The following FSTL5 variants were observed in gnomAD, a reference collection of about 807,000 sequenced individuals.
FSTL5 encodes follistatin-related protein 5.
Under a neutral mutation model 89.1 loss-of-function variants are expected in FSTL5, and 62 were observed. The observed-to-expected ratio is 0.70, with a 90% confidence interval of 0.57 to 0.86. The LOEUF is 0.86. Among genes scored for constraint, FSTL5 ranks in the 40% least tolerant of loss-of-function variants. The pLI is 0.00. For missense variants in FSTL5, 1,057 were observed against 1,001.6 expected, an observed-to-expected ratio of 1.06 and a Z score of -0.75; for synonymous variants, 383 against 346.2, an observed-to-expected ratio of 1.11 and a Z score of -1.18.
At chr4:161,609,845 A>C (rs534193904) in intron 7 of FSTL5, among the ~76,000 whole-genome samples, 86 of 152,184 alleles carry the variant, frequency 5.7e-4, no homozygotes, top group Non-Finnish European at 9.7e-4. Flanking sequence ...CAGGGAGATA[A>C]TATTTCTGTT....
intron 13 of FSTL5, among the ~76,000 whole-genome samples, chr4:161,474,867 A>T (rs1350092088): frequency 2.0e-5 from 3 of 151,910 alleles, no homozygotes; most frequent in African/African-American, 4.8e-5. Context: ...TGGTTTATTC[A>T]TATGTTTGTT....
intron 4 of FSTL5, among the ~76,000 whole-genome samples, chr4:161,877,404 AG>A (rs1269299311): frequency 8.7e-6 from 1 of 114,710 alleles, no homozygotes; most frequent in Non-Finnish European, 1.8e-5. Flanking sequence ...ATAATATAGT[AG>A]ACTATTTTAC....
At chr4:161,700,163 T>A (rs936108829) in intron 6 of FSTL5, among the ~76,000 whole-genome samples, 13 of 152,192 alleles carry the variant, frequency 8.5e-5, no homozygotes, top group Non-Finnish European at 1.6e-4. Context: ...AAAATCAATA[T>A]ATCTAATGCT....
At chr4:161,955,361 A>G (rs1734999811) in intron 3 of FSTL5, among the ~76,000 whole-genome samples, 1 of 151,760 alleles carries the variant, frequency 6.6e-6, no homozygotes, top group Admixed American at 6.6e-5. Flanking sequence ...AAAAAAGCAA[A>G]TAAATAACAA....
intron 4 of FSTL5, among the ~76,000 whole-genome samples, chr4:161,828,990 T>C (rs1730753686): frequency 6.6e-6 from 1 of 151,838 alleles, no homozygotes; most frequent in Admixed American, 6.6e-5. Flanking sequence ...TTTGACCAAG[T>C]CTCAGGTTAA....
chr4:161,786,332 A>C (rs1276589992), intron 4 of FSTL5, among the ~76,000 whole-genome samples: 1 of 152,098 alleles, frequency 6.6e-6, no homozygotes, highest in Non-Finnish European at 1.5e-5. Context: ...AAGTGGGCAA[A>C]GTTGCCTTAT....
chr4:161,745,606 C>T (rs1327666004), intron 6 of FSTL5, among the ~76,000 whole-genome samples: 1 of 151,850 alleles, frequency 6.6e-6, no homozygotes, highest in Admixed American at 6.6e-5. Flanking sequence ...AGGACCTACA[C>T]TTTTGATGGG....
intron 6 of FSTL5, among the ~76,000 whole-genome samples, chr4:161,720,274 T>C (rs1167302505): frequency 6.6e-6 from 1 of 151,442 alleles, no homozygotes; most frequent in African/African-American, 2.4e-5. Flanking sequence ...AATGCTGTGG[T>C]CACTAATCAT....
At chr4:161,749,267 T>C (rs1041645333) in intron 6 of FSTL5, among the ~76,000 whole-genome samples, 1 of 152,138 alleles carries the variant, frequency 6.6e-6, no homozygotes, top group Non-Finnish European at 1.5e-5. Flanking sequence ...AGCAAAGTCA[T>C]GGAGTCAACC....
At chr4:161,854,411 GAAGTCCCTACATGAT>G (rs953045007) in intron 4 of FSTL5, among the ~76,000 whole-genome samples, 16 of 152,128 alleles carry the variant, frequency 1.1e-4, no homozygotes, top group African/African-American at 3.6e-4. Flanking sequence ...GAACTACTGT[GAAGTCCCTACATGAT>G]AATGCCCCTT....
chr4:162,123,516 A>G (rs17041991), intron 1 of FSTL5, among the ~76,000 whole-genome samples: 10,427 of 152,208 alleles, frequency 0.069, 763 homozygotes, highest in African/African-American at 0.18. Context: ...CAAAGTCTCC[A>G]TGTTTTCTTA....
At chr4:161,764,136 T>C (rs1044311145) in intron 5 of FSTL5, among the ~76,000 whole-genome samples, 6 of 152,216 alleles carry the variant, frequency 3.9e-5, no homozygotes, top group Middle Eastern at 3.4e-3. Flanking sequence ...AGTGAGATAA[T>C]TACATATTAT....
Position 162,110,493 on chromosome 4 carries a change from A to C in FSTL5, c.126+778T>G, listed in dbSNP as rs1006406776. Among the ~76,000 whole-genome samples the C allele has an allele frequency of 1.4e-4, 21 of 151,902 alleles. 1 individual carries two copies. Among genetic ancestry groups the C allele is most frequent in the Non-Finnish European group, 8.8e-5 (6 of 67,846 alleles). On this transcript the variant is annotated intron_variant, in intron 2 of 15. Coordinates refer to ENST00000306100, the MANE Select transcript of FSTL5 (RefSeq NM_020116.5). ...TTTGTTTATTTCAAAAGTCTTTCTTATAGACAAGTTGAATACGAAATTTTA... is the reference window on the plus strand; with the variant it reads ...TTTGTTTATTTCAAAAGTCTTTCTTCTAGACAAGTTGAATACGAAATTTTA...
chr4:161,760,889 A>C (rs1023763901), intron 5 of FSTL5, among the ~76,000 whole-genome samples: 13 of 152,136 alleles, frequency 8.5e-5, no homozygotes, highest in African/African-American at 2.9e-4. Context: ...TGAACGTTTC[A>C]TGATGTCTGA....
At chr4:162,037,285 G>T (rs1398169122) in intron 2 of FSTL5, among the ~76,000 whole-genome samples, 1 of 151,828 alleles carries the variant, frequency 6.6e-6, no homozygotes, top group South Asian at 2.1e-4. Context: ...GATGCAGGAG[G>T]TTTCTAGGTT....
At chr4:162,149,787 G>C (rs748926014) in intron 1 of FSTL5, among the ~76,000 whole-genome samples, 1 of 151,984 alleles carries the variant, frequency 6.6e-6, no homozygotes, top group South Asian at 2.1e-4. Flanking sequence ...TTTTGTTCCT[G>C]GTAGAAATGC....
At chr4:161,584,473 G>C (rs1733539956) in intron 8 of FSTL5, among the ~76,000 whole-genome samples, 1 of 151,948 alleles carries the variant, frequency 6.6e-6, no homozygotes, top group Non-Finnish European at 1.5e-5. Context: ...ATCTTTACTG[G>C]ATTATTCCCA....
intron 4 of FSTL5, among the ~76,000 whole-genome samples, chr4:161,913,475 T>A (rs917309180): frequency 6.6e-6 from 1 of 152,182 alleles, no homozygotes; most frequent in African/African-American, 2.4e-5. Context: ...AGCTTCCATG[T>A]GGCATTGAGC....
intron 1 of FSTL5, 76 bp from the exon 2 acceptor site, chr4:162,111,488 T>C (rs1731441487): frequency 8.7e-7 from 1 of 1,148,576 alleles, no homozygotes; most frequent in Non-Finnish European, 1.2e-6. Flanking sequence ...AAATATTTAA[T>C]ATCACATATA....
Sources: gnomAD v4.1 joint callset for allele counts (sites outside exome capture counted in the v4.1 genomes callset) on GRCh38, gnomAD v4.1.1 for gene constraint, MANE v1.5 for transcripts, NCBI Gene and HGNC (gene_info 2026-07-23, HGNC 2026-07-21) for gene names.